CBLN2: variants seen among roughly 807,000 people sequenced by gnomAD.
CBLN2 encodes the protein cerebellin 2 precursor.
Under a neutral mutation model 15.0 loss-of-function variants are expected in CBLN2, and 7 were observed. The observed-to-expected ratio is 0.47, with a 90% CI of 0.27 to 0.88. CBLN2 has a LOEUF of 0.88. CBLN2 is among the 40% of genes least tolerant of loss of function. The probability of loss-of-function intolerance (pLI) is 0.14; values close to 1 mark genes in which losing one functional copy is unlikely to be tolerated. For synonymous variants in CBLN2, 149 were observed against 135.2 expected, an observed-to-expected ratio of 1.10 and a Z score of -0.71; for missense variants, 242 against 304.5, an observed-to-expected ratio of 0.79 and a Z score of 1.53.
chr18:72,570,116 T>C (rs1190402678), intron 1 of CBLN2, among the ~76,000 whole-genome samples: 2 of 152,166 alleles, frequency 1.3e-5, no homozygotes, highest in African/African-American at 4.8e-5. Context: ...ACTCATCAAA[T>C]CCTAGAGGAA....
intron 1 of CBLN2, among the ~76,000 whole-genome samples, chr18:72,607,402 G>C (rs1266905258): frequency 6.6e-6 from 1 of 152,156 alleles, no homozygotes; most frequent in East Asian, 1.9e-4. Context: ...TCTCACTCAG[G>C]AGTTAATGAG....
intron 1 of CBLN2, among the ~76,000 whole-genome samples, chr18:72,623,847 C>T (rs2069716721): frequency 6.6e-6 from 1 of 152,044 alleles, no homozygotes; most frequent in South Asian, 2.1e-4. Flanking sequence ...TAGAATTCAC[C>T]GGACTGATCG....
intron 1 of CBLN2, among the ~76,000 whole-genome samples, chr18:72,626,349 G>A (rs918464139): frequency 2.0e-5 from 3 of 152,030 alleles, no homozygotes; most frequent in African/African-American, 4.8e-5. Context: ...ATAAGAGACA[G>A]GTTAGTTTGG....
chr18:72,576,209 T>C (rs1362799096), intron 1 of CBLN2, among the ~76,000 whole-genome samples: 1 of 152,204 alleles, frequency 6.6e-6, no homozygotes, highest in Non-Finnish European at 1.5e-5. Flanking sequence ...TTATTAATGG[T>C]GACTTTGCTT....
chr18:72,587,418 G>A (rs930973517), intron 1 of CBLN2, among the ~76,000 whole-genome samples: 10 of 151,928 alleles, frequency 6.6e-5, no homozygotes, highest in Non-Finnish European at 1.5e-4. Context: ...TGCAGGGACT[G>A]TTTATTCTTT....
At chr18:72,552,903 A>C (rs975929477) in intron 1 of CBLN2, among the ~76,000 whole-genome samples, 1 of 152,194 alleles carries the variant, frequency 6.6e-6, no homozygotes, top group African/African-American at 2.4e-5. Flanking sequence ...AGAAGAGGTT[A>C]CTAGTGGAAT....
In CBLN2 at chr18:72,538,163, G is replaced by C. The variant is rs752528591; in HGVS notation, c.*13C>G. On this transcript the variant is annotated 3_prime_UTR_variant, in exon 5 of 5. Coordinates refer to ENST00000269503, the MANE Select transcript of CBLN2 (RefSeq NM_182511.4). Reference sequence around the variant, plus strand: ...CAGTTTGCCATTCCCCCACCATCTAGGGGGCTCTGTGTTTATAGAGGAAAC... The same window carrying C: ...CAGTTTGCCATTCCCCCACCATCTACGGGGCTCTGTGTTTATAGAGGAAAC... 6.2e-7 allele frequency: 1 copy of C among 1,613,924 alleles called. No homozygotes were observed. Among genetic ancestry groups the C allele is most frequent in the African/African-American group, 1.3e-5 (1 of 75,020 alleles).
intron 1 of CBLN2, among the ~76,000 whole-genome samples, chr18:72,567,892 G>A (rs1447014732): frequency 6.6e-6 from 1 of 152,086 alleles, no homozygotes; most frequent in Admixed American, 6.6e-5. Context: ...TTTATCTATT[G>A]CACAAGTTAA....
chr18:72,555,152 AACAC>A (rs1431946183), intron 1 of CBLN2, among the ~76,000 whole-genome samples: 2 of 151,942 alleles, frequency 1.3e-5, no homozygotes, highest in East Asian at 3.9e-4. Context: ...AGAAAAGAAA[AACAC>A]AGAGAGAGAG....
At chr18:72,625,814 CTCTCTATA>C (rs1243237421) in intron 1 of CBLN2, among the ~76,000 whole-genome samples, 6,271 of 66,324 alleles carry the variant, frequency 0.095, 248 homozygotes, top group East Asian at 0.26. Flanking sequence ...CTCTCTCTCT[CTCTCTATA>C]TATATATATA....
intron 1 of CBLN2, among the ~76,000 whole-genome samples, chr18:72,553,471 G>GATAT (rs2069204243): frequency 9.1e-6 from 1 of 110,128 alleles, no homozygotes; most frequent in African/African-American, 3.0e-5. Context: ...TAGATAGATA[G>GATAT]ATAGATAGAT....
At chr18:72,591,518 T>C (rs1283339304) in intron 1 of CBLN2, among the ~76,000 whole-genome samples, 2 of 152,192 alleles carry the variant, frequency 1.3e-5, no homozygotes, top group East Asian at 3.8e-4. Flanking sequence ...AATTAAACTC[T>C]TCCATTATTT....
chr18:72,620,804 T>C (rs2069695723), intron 1 of CBLN2, among the ~76,000 whole-genome samples: 1 of 152,202 alleles, frequency 6.6e-6, no homozygotes, highest in Admixed American at 6.5e-5. Flanking sequence ...TTTGATATTT[T>C]GCCTTTCCAA....
At chr18:72,617,948 T>C (rs2069673847) in intron 1 of CBLN2, among the ~76,000 whole-genome samples, 1 of 151,920 alleles carries the variant, frequency 6.6e-6, no homozygotes, top group African/African-American at 2.4e-5. Context: ...AAGAAAATTA[T>C]AGGAAAAAAA....
upstream of CBLN2, among the ~76,000 whole-genome samples, chr18:72,547,132 ACACACAC>A: frequency 6.6e-6 from 1 of 152,072 alleles, no homozygotes; most frequent in Non-Finnish European, 1.5e-5. Context: ...ACACACACAC[ACACACAC>A]ACACACACAA....
intron 1 of CBLN2, among the ~76,000 whole-genome samples, chr18:72,615,995 T>G (rs2069658915): frequency 6.6e-6 from 1 of 151,990 alleles, no homozygotes; most frequent in African/African-American, 2.4e-5. Context: ...CTTTTAACAG[T>G]AAAAAAAAGC....
intron 1 of CBLN2, among the ~76,000 whole-genome samples, chr18:72,614,966 T>C (rs2069646983): frequency 6.8e-6 from 1 of 147,808 alleles, no homozygotes; most frequent in African/African-American, 2.5e-5. Flanking sequence ...TGGCCTGAGC[T>C]TGACAATGCT....
Position 72,543,884 on chromosome 18 carries a change from G to C in CBLN2, c.-212+93C>G, listed in dbSNP as rs2069137727. On this transcript the variant is annotated intron_variant, in intron 1 of 4. Transcript: ENST00000269503. This position sits in a 1 kb window ranked among gnomAD's most constrained non-coding sequence, Gnocchi z 6.8. ...GGCCCCGCAGCCCCGCCAGTCTCCA[G>C]AGGGCATAGCCGAGCGCTGCCGCCT... The C allele has an allele frequency of 1.3e-5, 2 of 154,078 alleles. No homozygotes were observed. The highest frequency in any genetic ancestry group is 4.8e-5 in the African/African-American group (2 of 41,526). 9.5% of individuals were successfully genotyped at this position (154,078 alleles called of 1,614,324 possible).
intron 1 of CBLN2, among the ~76,000 whole-genome samples, chr18:72,557,019 A>G (rs2069231057): frequency 6.6e-6 from 1 of 151,698 alleles, no homozygotes; most frequent in South Asian, 2.1e-4. Flanking sequence ...AGAGAAATAT[A>G]TTATTTTCTA....
Sources: allele counts gnomAD v4.1 joint callset (sites outside exome capture counted in the v4.1 genomes callset), GRCh38; gene constraint gnomAD v4.1.1; non-coding constraint Gnocchi (gnomAD v3.1); transcripts MANE v1.5; gene names NCBI Gene and HGNC (gene_info 2026-07-23, HGNC 2026-07-21).